The following KLF12 variants were observed in gnomAD, a reference collection of about 807,000 sequenced individuals.
KLF12 encodes the protein KLF transcription factor 12.
Under a neutral mutation model 37.8 loss-of-function variants are expected in KLF12, and 9 were observed. That is an observed-to-expected ratio of 0.24 (90% CI 0.14 to 0.42). KLF12 has a LOEUF of 0.42. Among genes scored for constraint, KLF12 ranks in the 10% least tolerant of loss-of-function variants. KLF12 has a pLI of 1.00. For missense variants in KLF12, 411 were observed against 516.0 expected (o/e 0.80, Z 1.97); for synonymous variants, 208 against 202.1 (o/e 1.03, Z -0.25).
intron 7 of KLF12, among the ~76,000 whole-genome samples, chr13:73,713,523 G>A (rs1158377725): frequency 1.3e-5 from 2 of 152,210 alleles, no homozygotes; most frequent in Non-Finnish European, 2.9e-5. Flanking sequence ...CACGCAAGGG[G>A]TTCCCCGAAT....
At chr13:74,128,830 CCT>C (rs1228234339) in intron 1 of KLF12, among the ~76,000 whole-genome samples, 1 of 151,588 alleles carries the variant, frequency 6.6e-6, no homozygotes, top group Non-Finnish European at 1.5e-5. Flanking sequence ...TGTTTTTCCC[CCT>C]TTTTTATACA....
At chr13:73,706,652 G>A (rs1327272231) in intron 7 of KLF12, among the ~76,000 whole-genome samples, 1 of 152,230 alleles carries the variant, frequency 6.6e-6, no homozygotes, top group African/African-American at 2.4e-5. Flanking sequence ...GGCAGGTGAT[G>A]CTTGCTGCAT....
At chr13:74,161,945 G>T in the KLF12 span, among the ~76,000 whole-genome samples, 2 of 151,960 alleles carry the variant, frequency 1.3e-5, no homozygotes, top group Admixed American at 6.5e-5. Context: ...TACTTAAATT[G>T]CTCCATTTTA....
chr13:73,847,542 C>CA (rs1885096676), intron 3 of KLF12, among the ~76,000 whole-genome samples: 1 of 151,966 alleles, frequency 6.6e-6, no homozygotes, highest in African/African-American at 2.4e-5. Flanking sequence ...ATACAATAGG[C>CA]AGTAGCACAC....
At chr13:74,155,261 C>G in the KLF12 span, among the ~76,000 whole-genome samples, 1 of 152,126 alleles carries the variant, frequency 6.6e-6, no homozygotes, top group South Asian at 2.1e-4. Context: ...CAGTCACTAA[C>G]CTAGGTGTTA....
the KLF12 span, among the ~76,000 whole-genome samples, chr13:74,141,971 C>T: frequency 3.3e-5 from 5 of 150,948 alleles, no homozygotes; most frequent in Non-Finnish European, 7.4e-5. Flanking sequence ...TGCTGGCAAA[C>T]AGAAAAAAAA....
chr13:73,950,618 G>C (rs1040650450), intron 2 of KLF12, among the ~76,000 whole-genome samples: 7 of 152,174 alleles, frequency 4.6e-5, no homozygotes, highest in Non-Finnish European at 7.3e-5. Flanking sequence ...CCATGGATAA[G>C]AGGAGTGTTC....
the KLF12 span, among the ~76,000 whole-genome samples, chr13:74,231,150 A>G: frequency 1.3e-5 from 2 of 152,098 alleles, no homozygotes; most frequent in Non-Finnish European, 2.9e-5. Context: ...TCCTTATAAA[A>G]GTAAAGTCAG....
chr13:74,263,540 G>C, the KLF12 span, among the ~76,000 whole-genome samples: 2 of 152,138 alleles, frequency 1.3e-5, no homozygotes, highest in East Asian at 3.9e-4. Flanking sequence ...TCTGTTTATA[G>C]CCTCCTCCAC....
At chr13:73,826,036 G>A (rs549330054) in intron 4 of KLF12, among the ~76,000 whole-genome samples, 1 of 151,802 alleles carries the variant, frequency 6.6e-6, no homozygotes, top group Non-Finnish European at 1.5e-5. Flanking sequence ...GCATTGGGAC[G>A]ATCTCGGCTC....
At chr13:73,960,621 T>A (rs17061756) in intron 2 of KLF12, among the ~76,000 whole-genome samples, 3 of 152,082 alleles carry the variant, frequency 2.0e-5, no homozygotes, top group African/African-American at 4.8e-5. Context: ...CTGTCCCATA[T>A]ATACTCATGT....
intron 7 of KLF12, among the ~76,000 whole-genome samples, chr13:73,700,229 C>T (rs1476291163): frequency 2.6e-5 from 4 of 151,372 alleles, no homozygotes; most frequent in Non-Finnish European, 4.4e-5. Flanking sequence ...ATGGTGCTAC[C>T]GCACTCTAGC....
At chr13:74,261,002 G>C in the KLF12 span, among the ~76,000 whole-genome samples, 14 of 152,138 alleles carry the variant, frequency 9.2e-5, no homozygotes, top group Non-Finnish European at 2.1e-4. Context: ...AGAGTGTGAG[G>C]GGGGTGAGGT....
At chr13:73,805,368 C>T (rs1490833542) in intron 5 of KLF12, among the ~76,000 whole-genome samples, 2 of 151,652 alleles carry the variant, frequency 1.3e-5, no homozygotes, top group African/African-American at 4.8e-5. Flanking sequence ...GCCTACAATC[C>T]CAACATTTTG....
chr13:73,738,835 C>T (rs1044556719), intron 6 of KLF12, among the ~76,000 whole-genome samples: 3 of 152,148 alleles, frequency 2.0e-5, no homozygotes, highest in African/African-American at 7.2e-5. Flanking sequence ...CAGTTAAATG[C>T]CTGGTATTGC....
At chr13:74,283,164 G>A in the KLF12 span, among the ~76,000 whole-genome samples, 2 of 152,170 alleles carry the variant, frequency 1.3e-5, no homozygotes, top group South Asian at 2.1e-4. Flanking sequence ...AAACTTCACC[G>A]AAGAGTCTTT....
At chr13:74,035,033 C>T (rs894196507) in intron 1 of KLF12, among the ~76,000 whole-genome samples, 1 of 152,130 alleles carries the variant, frequency 6.6e-6, no homozygotes, top group Non-Finnish European at 1.5e-5. Flanking sequence ...ATATGCTAGC[C>T]TAGAATTTTT....
chr13:74,250,977 A>G, the KLF12 span, among the ~76,000 whole-genome samples: 2 of 152,138 alleles, frequency 1.3e-5, no homozygotes, highest in Non-Finnish European at 2.9e-5. Context: ...GGAGCCCAGG[A>G]TCTCCATCCC....
chr13:74,239,915 T>G, the KLF12 span, among the ~76,000 whole-genome samples: 1 of 151,536 alleles, frequency 6.6e-6, no homozygotes, highest in African/African-American at 2.4e-5. Context: ...AGTCTGTGTC[T>G]TTTAATTGGA....
Sources: allele counts gnomAD v4.1 joint callset (sites outside exome capture counted in the v4.1 genomes callset), GRCh38; gene constraint gnomAD v4.1.1; transcripts MANE v1.5; gene names NCBI Gene and HGNC (gene_info 2026-07-23, HGNC 2026-07-21).